Variants in WWC1 observed in about 807,000 individuals in gnomAD.
The protein encoded by WWC1 is WW and C2 domain containing 1, also known as protein KIBRA.
WWC1 carries 55 observed loss-of-function variants against 138.4 expected under a neutral mutation model. That is an observed-to-expected ratio of 0.40 (90% CI 0.32 to 0.50). The LOEUF (loss-of-function observed/expected upper bound fraction) is 0.50. Among genes scored for constraint, WWC1 ranks in the 20% least tolerant of loss-of-function variants. WWC1 has a pLI of 0.72. For missense variants in WWC1, 1,226 were observed against 1,420.4 expected, an observed-to-expected ratio of 0.86 and a Z score of 2.20; for synonymous variants, 524 against 564.9, an observed-to-expected ratio of 0.93 and a Z score of 1.03.
chr5:168,405,225 A>G (rs1268190201), intron 5 of WWC1, among the ~76,000 whole-genome samples: 1 of 152,094 alleles, frequency 6.6e-6, no homozygotes, highest in Non-Finnish European at 1.5e-5. Context: ...CATTAGCTCA[A>G]CACATGCTTA....
intron 2 of WWC1, among the ~76,000 whole-genome samples, chr5:168,374,971 C>T (rs1379803555): frequency 6.6e-6 from 1 of 152,124 alleles, no homozygotes; most frequent in East Asian, 1.9e-4. Context: ...GATGGAGTTG[C>T]TATCAACCAA....
chr5:168,449,607 C>T (rs1755613009), intron 17 of WWC1, among the ~76,000 whole-genome samples: 1 of 120,252 alleles, frequency 8.3e-6, no homozygotes, highest in Admixed American at 1.0e-4. Flanking sequence ...CAGTTTCACT[C>T]TTGTTGCCCA....
intron 9 of WWC1, among the ~76,000 whole-genome samples, chr5:168,418,064 C>T (rs1780789001): frequency 6.6e-6 from 1 of 152,152 alleles, no homozygotes; most frequent in Admixed American, 6.5e-5. Context: ...CTCTGTCTCC[C>T]CTCGCTCCTC....
At chr5:168,467,998 T>C (rs1163569762) in intron 22 of WWC1, 34 bp downstream of exon 22, 13 of 1,612,532 alleles carry the variant, frequency 8.1e-6, no homozygotes, top group Non-Finnish European at 1.1e-5. Flanking sequence ...CCCCATCCCT[T>C]TCTCAGCCAA....
At chr5:168,374,930 A>G (rs550373702) in intron 2 of WWC1, among the ~76,000 whole-genome samples, 120 of 152,354 alleles carry the variant, frequency 7.9e-4, no homozygotes, top group African/African-American at 2.8e-3. Flanking sequence ...GAAAAAGGAA[A>G]GAATAACTTC....
At chr5:168,302,500 C>A (rs910525056) in intron 1 of WWC1, among the ~76,000 whole-genome samples, 3 of 152,140 alleles carry the variant, frequency 2.0e-5, no homozygotes, top group Admixed American at 6.6e-5. Context: ...CTGGTGACAC[C>A]TGTCGACAGT....
rs1360603033 is a variant in WWC1, at chr5:168,385,224, T to G, written c.243T>G (p.Ile81Met). 6.2e-7 allele frequency: 1 copy of G among 1,614,180 alleles called. No individual in the cohort carries two copies. The highest frequency in any genetic ancestry group is 1.1e-5 in the South Asian group (1 of 91,080). Residue 81 changes from isoleucine (I) to methionine (M), a missense_variant, in exon 3 of 23, where the codon ATT (isoleucine) becomes ATG (methionine). By Grantham distance (10) the Ile-to-Met change is conservative. This residue lies in a region of WWC1 where 1,016 missense variants were observed against 1,153.9 expected (regional missense o/e 0.88). Transcript: ENST00000265293. ...FIDHNTKTTQ[I>M]EDPRVQWRRE... ...GGTCTGTTCCAGAAACCACTCAGAT[T>G]GAGGATCCTCGAGTACAATGGCGGC...
At chr5:168,351,137 C>G (rs1245946776) in intron 1 of WWC1, among the ~76,000 whole-genome samples, 1 of 147,290 alleles carries the variant, frequency 6.8e-6, no homozygotes, top group African/African-American at 2.6e-5. Flanking sequence ...ACAGTGAGAC[C>G]TTGTCTCAAA....
intron 2 of WWC1, among the ~76,000 whole-genome samples, chr5:168,380,520 A>C (rs955307238): frequency 6.6e-6 from 1 of 152,186 alleles, no homozygotes; most frequent in Non-Finnish European, 1.5e-5. Context: ...AAAAAATAAC[A>C]ATACCAACTG....
intron 17 of WWC1, among the ~76,000 whole-genome samples, chr5:168,448,407 T>TG (rs1755478032): frequency 6.6e-6 from 1 of 152,164 alleles, no homozygotes; most frequent in African/African-American, 2.4e-5. Context: ...GGATTTTTTT[T>TG]TAAAAGATCC....
chr5:168,463,402 A>C (rs1193242420), intron 20 of WWC1, among the ~76,000 whole-genome samples: 1 of 151,968 alleles, frequency 6.6e-6, no homozygotes, highest in African/African-American at 2.4e-5. Flanking sequence ...CCTAGAGGTC[A>C]CTCTCAGGTT....
rs1021961145 is a variant in WWC1 at position 168,431,570 on chromosome 5, G to A, written c.2280+126G>A. The A allele has an allele frequency of 2.4e-5, 26 of 1,061,612 alleles. No individual in the cohort carries two copies. In the South Asian group the frequency reaches 2.7e-4, roughly 11 times the overall value. 65.8% of individuals were successfully genotyped at this position (1,061,612 alleles called of 1,614,324 possible). Reference sequence around the variant, plus strand: ...TTCAGGAAGAAGGTTCGAAGGAGACGCAGGTTGTGCTATCAATCAGGCTCA... The same window carrying A: ...TTCAGGAAGAAGGTTCGAAGGAGACACAGGTTGTGCTATCAATCAGGCTCA... On this transcript the variant is annotated intron_variant, in intron 15 of 22. Transcript: ENST00000265293.
rs79451924 is a variant in WWC1, at chr5:168,360,488, G to C, written c.120-10936G>C. ...TATTTTACATGGAGCATATGGTCCT[G>C]TGCCTAGTGCTTCACTGGCCTTAAG... On this transcript the variant is annotated intron_variant, in intron 1 of 22. Transcript: ENST00000265293. 1.3e-3 allele frequency among the ~76,000 whole-genome samples: 200 copies of C among 152,334 alleles called. 4 individuals are homozygous for C. In the East Asian group the frequency reaches 0.028, roughly 22 times the overall value.
chr5:168,444,433 C>T, intron 16 of WWC1, 61 bp from the exon 17 acceptor site: 1 of 1,488,924 alleles, frequency 6.7e-7, no homozygotes, highest in Non-Finnish European at 9.1e-7. Flanking sequence ...TGCTCTGATT[C>T]CTGGCAGGTA....
intron 1 of WWC1, among the ~76,000 whole-genome samples, chr5:168,357,787 A>G (rs188931914): frequency 3.3e-5 from 5 of 152,248 alleles, no homozygotes; most frequent in Admixed American, 2.0e-4. Flanking sequence ...AGGGAATAAC[A>G]TTCTATTTAT....
At chr5:168,374,316 C>G (rs1248946893) in intron 2 of WWC1, among the ~76,000 whole-genome samples, 6 of 152,028 alleles carry the variant, frequency 3.9e-5, no homozygotes. Flanking sequence ...AAGTCGGGAG[C>G]TGAGGTGTAT....
At chr5:168,373,432 T>C (rs1776904498) in intron 2 of WWC1, among the ~76,000 whole-genome samples, 1 of 152,094 alleles carries the variant, frequency 6.6e-6, no homozygotes, top group Admixed American at 6.5e-5. Flanking sequence ...TCCTCTTGGT[T>C]TGAGGTGGTC....
intron 1 of WWC1, among the ~76,000 whole-genome samples, chr5:168,343,577 A>G (rs1207297630): frequency 1.3e-5 from 2 of 152,050 alleles, no homozygotes; most frequent in African/African-American, 4.8e-5. Context: ...TAATCCCAAC[A>G]CTTTGGGAGG....
rs374094340 is a variant in WWC1 at position 168,407,082 on chromosome 5, G to T, written c.720+755G>T. 1.3e-4 allele frequency among the ~76,000 whole-genome samples: 20 copies of T among 152,220 alleles called. No homozygotes were observed. In the East Asian group the frequency reaches 1.9e-3, roughly 15 times the overall value. On this transcript the variant is annotated intron_variant, in intron 6 of 22. Transcript: ENST00000265293. ...GCTGGGATTACAGGCTTGAGCCAGCGCACCTGGCCCCTGCCTTATTTTTCA... is the reference window on the plus strand; with the variant it reads ...GCTGGGATTACAGGCTTGAGCCAGCTCACCTGGCCCCTGCCTTATTTTTCA...
Sources: allele counts gnomAD v4.1 joint callset (sites outside exome capture counted in the v4.1 genomes callset), GRCh38; gene constraint gnomAD v4.1.1; regional missense constraint gnomAD v4.1.1; transcripts MANE v1.5; gene names NCBI Gene and HGNC (gene_info 2026-07-23, HGNC 2026-07-21).